PTPRG: variants seen among roughly 807,000 people sequenced by gnomAD.
The protein encoded by PTPRG is protein tyrosine phosphatase receptor type G, also known as receptor-type tyrosine-protein phosphatase gamma.
PTPRG carries 102 observed loss-of-function variants against 165.3 expected under a neutral mutation model. The observed-to-expected ratio is 0.62, with a 90% CI of 0.53 to 0.73. PTPRG has a LOEUF of 0.73. PTPRG is among the 30% of genes least tolerant of loss of function. The probability of loss-of-function intolerance (pLI) is 0.00; values close to 1 mark genes in which losing one functional copy is unlikely to be tolerated. For missense variants in PTPRG, 1,866 were observed against 1,861.4 expected, an observed-to-expected ratio of 1.00 and a Z score of -0.05; for synonymous variants, 675 against 669.5, an observed-to-expected ratio of 1.01 and a Z score of -0.13.
chr3:62,031,503 G>C (rs1224103895), intron 4 of PTPRG, among the ~76,000 whole-genome samples: 1 of 152,170 alleles, frequency 6.6e-6, no homozygotes, highest in East Asian at 1.9e-4. Flanking sequence ...ACAGTAATGA[G>C]TTTGGATTTT....
chr3:61,912,075 G>A (rs1468254981), intron 2 of PTPRG, among the ~76,000 whole-genome samples: 2 of 152,054 alleles, frequency 1.3e-5, no homozygotes, highest in Non-Finnish European at 2.9e-5. Flanking sequence ...TGTAAGGAGC[G>A]AGTCCTCAGG....
At chr3:62,089,080 A>G (rs1193674201) in intron 5 of PTPRG, among the ~76,000 whole-genome samples, 1 of 152,174 alleles carries the variant, frequency 6.6e-6, no homozygotes, top group Non-Finnish European at 1.5e-5. Flanking sequence ...CTCTATCTAC[A>G]GCATCTTAAC....
At chr3:61,567,613 C>G (rs1699944697) in intron 1 of PTPRG, among the ~76,000 whole-genome samples, 1 of 144,870 alleles carries the variant, frequency 6.9e-6, no homozygotes, top group Non-Finnish European at 1.5e-5. Context: ...CCGCAGTGTA[C>G]TGTGATCATG....
intron 2 of PTPRG, among the ~76,000 whole-genome samples, chr3:61,984,518 T>A (rs2040711007): frequency 6.6e-6 from 1 of 152,140 alleles, no homozygotes. Context: ...TACCAGTAAA[T>A]CCAGTAAAAC....
intron 10 of PTPRG, among the ~76,000 whole-genome samples, chr3:62,196,450 C>A (rs1216650138): frequency 2.0e-5 from 3 of 151,996 alleles, no homozygotes; most frequent in Non-Finnish European, 4.4e-5. Context: ...AAAATAAAAG[C>A]AAAATTAATG....
intron 1 of PTPRG, among the ~76,000 whole-genome samples, chr3:61,614,575 AATTTTTTTGGTGT>A (rs754847010): frequency 1.3e-5 from 2 of 151,748 alleles, no homozygotes; most frequent in African/African-American, 2.4e-5. Flanking sequence ...ACGCCCAGCT[AATTTTTTTGGTGT>A]ATTTTATGAG....
chr3:62,296,621 G>C lies in PTPRG; in HGVS notation c.*3314G>C, dbSNP rs1448915184. ...AAGTTTATGTTCAAATGGTGCCAGT[G>C]AATTTTTATATGAAGGGAAAATGCC... On this transcript the variant is annotated 3_prime_UTR_variant, in exon 30 of 30. Transcript: ENST00000474889. 1 of 149,764 alleles carries C rather than the reference G, an allele frequency of 6.7e-6. No homozygotes were observed. Among genetic ancestry groups the C allele is most frequent in the Non-Finnish European group, 1.5e-5 (1 of 67,560 alleles). The allele number at this position is 149,764 out of a possible 1,614,324, so 9.3% of individuals were successfully genotyped here. A position where few individuals can be genotyped will look rare whatever the true frequency, so the allele number is the denominator to read the frequency against.
rs181785841 is a variant in PTPRG, at chr3:62,047,472, G to C, written c.520-30691G>C. ...AGATGGGGTTTCGCCATGTTGGCCA[G>C]GTTAGTGTCGATCTCCTGACCTCAG... On this transcript the variant is annotated intron_variant, in intron 4 of 29. Coordinates refer to ENST00000474889, the MANE Select transcript of PTPRG (RefSeq NM_002841.4). Among the ~76,000 whole-genome samples the C allele has an allele frequency of 2.0e-4, 30 of 152,192 alleles. No individual in the cohort carries two copies. In the East Asian group the frequency reaches 2.3e-3, roughly 12 times the overall value.
At chr3:61,687,678 T>C (rs13074062) in intron 1 of PTPRG, among the ~76,000 whole-genome samples, 56,970 of 152,176 alleles carry the variant, frequency 0.37, 13,111 homozygotes, top group East Asian at 0.6. Flanking sequence ...TGTGGCTTTG[T>C]TGATCATGGA....
rs116513539 is a variant in PTPRG, at chr3:61,727,876, C to T, written c.86-21002C>T. Among the ~76,000 whole-genome samples, 204 of 152,348 alleles carry T rather than the reference C, an allele frequency of 1.3e-3. 1 individual carries two copies. Among genetic ancestry groups the T allele is most frequent in the African/African-American group, 4.5e-3 (187 of 41,584 alleles). ...AGCAGTTTGCGAAGCTTCTTGGCTA[C>T]TGATAATGCCTGGGTTTTATCTACT... On this transcript the variant is annotated intron_variant, in intron 1 of 29. Coordinates refer to ENST00000474889, the MANE Select transcript of PTPRG (RefSeq NM_002841.4).
At chr3:61,970,714 G>C (rs185581668) in intron 2 of PTPRG, among the ~76,000 whole-genome samples, 16 of 152,200 alleles carry the variant, frequency 1.1e-4, no homozygotes, top group African/African-American at 3.6e-4. Context: ...CTAGGATCTA[G>C]ATCTGCATCT....
chr3:62,064,370 G>A (rs1311288310), intron 4 of PTPRG, among the ~76,000 whole-genome samples: 1 of 152,108 alleles, frequency 6.6e-6, no homozygotes, highest in Non-Finnish European at 1.5e-5. Flanking sequence ...TGTGATCACA[G>A]TGTATTTATT....
chr3:62,127,012 A>G (rs1422598234), intron 5 of PTPRG, among the ~76,000 whole-genome samples: 1 of 152,244 alleles, frequency 6.6e-6, no homozygotes, highest in Non-Finnish European at 1.5e-5. Flanking sequence ...ACAAGAAGGA[A>G]GGTAATATTT....
At chr3:62,018,427 C>T (rs2041603536) in intron 4 of PTPRG, among the ~76,000 whole-genome samples, 1 of 152,144 alleles carries the variant, frequency 6.6e-6, no homozygotes, top group Non-Finnish European at 1.5e-5. Context: ...TACTAGAATC[C>T]CACAATGTCA....
At chr3:61,641,487 C>T (rs532223322) in intron 1 of PTPRG, among the ~76,000 whole-genome samples, 1 of 152,136 alleles carries the variant, frequency 6.6e-6, no homozygotes, top group Non-Finnish European at 1.5e-5. Context: ...TTTCTCCTTG[C>T]CTTCTCTCCA....
At position 61,561,653 on chromosome 3, in the gene PTPRG, T is replaced by A. The variant is rs561295042; in HGVS notation, c.-635T>A. 46 of 153,274 alleles carry A rather than the reference T, an allele frequency of 3.0e-4. 1 individual carries two copies. Among genetic ancestry groups the A allele is most frequent in the South Asian group, 1.0e-3 (5 of 4,852 alleles). The allele number at this position is 153,274 out of a possible 1,614,324, so 9.5% of individuals were successfully genotyped here. A position where few individuals can be genotyped will look rare whatever the true frequency, so the allele number is the denominator to read the frequency against. On this transcript the variant is annotated 5_prime_UTR_variant, in exon 1 of 30. Transcript: ENST00000474889. The stretch of plus-strand genomic sequence containing the variant: ...CCCAGCCTGCGCCGGAGCCACAACT[T>A]TCAGGAGCATGGACTGAAGGCGCCC...
chr3:62,192,183 C>G (rs1170482571), intron 9 of PTPRG, among the ~76,000 whole-genome samples: 1 of 152,082 alleles, frequency 6.6e-6, no homozygotes, highest in African/African-American at 2.4e-5. Context: ...CCAATACCTG[C>G]CAAACCCCTA....
intron 1 of PTPRG, among the ~76,000 whole-genome samples, chr3:61,583,445 G>A (rs928535667): frequency 2.0e-5 from 3 of 152,192 alleles, no homozygotes. Context: ...TAGAGCTGAT[G>A]GAAGAATTGG....
chr3:61,848,864 C>T (rs1204230629), intron 2 of PTPRG, among the ~76,000 whole-genome samples: 1 of 152,186 alleles, frequency 6.6e-6, no homozygotes, highest in Non-Finnish European at 1.5e-5. Context: ...CAATAAATCT[C>T]ATAAAGAGGC....
Sources: gnomAD v4.1 joint callset for allele counts (sites outside exome capture counted in the v4.1 genomes callset) on GRCh38, gnomAD v4.1.1 for gene constraint, MANE v1.5 for transcripts, NCBI Gene and HGNC (gene_info 2026-07-23, HGNC 2026-07-21) for gene names.